CHRM3: variants seen among roughly 807,000 people sequenced by gnomAD.
CHRM3 encodes cholinergic receptor muscarinic 3.
In CHRM3, 11 loss-of-function variants were observed where a neutral mutation model predicts 41.8. The observed-to-expected ratio is 0.26, with a 90% confidence interval of 0.17 to 0.44. The LOEUF (loss-of-function observed/expected upper bound fraction) is 0.44, where lower values mean the gene tolerates loss of function less well. Among genes scored for constraint, CHRM3 ranks in the 20% least tolerant of loss-of-function variants. The probability of loss-of-function intolerance (pLI) is 1.00; values close to 1 mark genes in which losing one functional copy is unlikely to be tolerated. For synonymous variants in CHRM3, 297 were observed against 301.4 expected, an observed-to-expected ratio of 0.99 and a Z score of 0.15; for missense variants, 571 against 745.4, an observed-to-expected ratio of 0.77 and a Z score of 2.72.
At chr1:239,865,197 A>G (rs2149290813) in intron 6 of CHRM3, among the ~76,000 whole-genome samples, 1 of 152,286 alleles carries the variant, frequency 6.6e-6, no homozygotes, top group South Asian at 2.1e-4. Flanking sequence ...ATATATTGTT[A>G]TGGGAGAAAA....
intron 6 of CHRM3, among the ~76,000 whole-genome samples, chr1:239,855,754 A>G (rs1675061986): frequency 6.6e-6 from 1 of 152,210 alleles, no homozygotes; most frequent in Admixed American, 6.5e-5. Context: ...GAAGAATGTT[A>G]CAATCAACAT....
At position 239,812,245 on chromosome 1, in the gene CHRM3, G is replaced by T. The variant is rs1386421854; in HGVS notation, c.-146-15007G>T. ...TGTAGAGATGGGGTTTTGCCATGTT[G>T]CCCAGGCTTGTCTCATACTCCCCAG... On this transcript the variant is annotated intron_variant, in intron 5 of 6. Coordinates refer to ENST00000676153, the MANE Select transcript of CHRM3 (RefSeq NM_001375978.1). Among the ~76,000 whole-genome samples the T allele has an allele frequency of 3.9e-5, 6 of 152,168 alleles. No individual in the cohort carries two copies. The East Asian group carries it at 1.2e-3, about 29-fold the overall frequency.
rs1572660564 is a variant in CHRM3 at position 239,908,480 on chromosome 1, T to A, written c.1029T>A (p.Ala343=). ...SSDSWNNNDA[A]ASLENSASSD... ...ACAGTTGGAACAACAATGATGCTGCTGCCTCCCTGGAGAACTCCGCCTCCT... is the reference window on the plus strand; with the variant it reads ...ACAGTTGGAACAACAATGATGCTGCAGCCTCCCTGGAGAACTCCGCCTCCT... Residue 343 remains alanine, a synonymous_variant, in exon 7 of 7, where the codon GCT becomes GCA. Coordinates refer to ENST00000676153, the MANE Select transcript of CHRM3 (RefSeq NM_001375978.1). The surrounding 1 kb of genome is among the most constrained non-coding windows in gnomAD (Gnocchi z 7.2). The A allele has an allele frequency of 4.3e-6, 7 of 1,610,738 alleles. No individual in the cohort carries two copies. The East Asian group carries it at 1.3e-4, about 31-fold the overall frequency.
intron 1 of CHRM3, among the ~76,000 whole-genome samples, chr1:239,481,858 A>G (rs1666876337): frequency 6.6e-6 from 1 of 152,212 alleles, no homozygotes; most frequent in South Asian, 2.1e-4. Context: ...TTTGGGGGAA[A>G]TAATGAACTG....
At chr1:239,725,520 T>C (rs1663356872) in intron 5 of CHRM3, among the ~76,000 whole-genome samples, 1 of 151,968 alleles carries the variant, frequency 6.6e-6, no homozygotes, top group Non-Finnish European at 1.5e-5. Context: ...ACTGAATAAA[T>C]AAAGATAACA....
chr1:239,668,639 C>A (rs1271715254), intron 4 of CHRM3, among the ~76,000 whole-genome samples: 1 of 152,156 alleles, frequency 6.6e-6, no homozygotes, highest in Non-Finnish European at 1.5e-5. Context: ...TGTATTGCCT[C>A]TGTACAGCTT....
intron 1 of CHRM3, among the ~76,000 whole-genome samples, chr1:239,480,277 A>G (rs1279715049): frequency 6.6e-6 from 1 of 152,208 alleles, no homozygotes; most frequent in South Asian, 2.1e-4. Context: ...AAAATGACCA[A>G]CAATAAGGGT....
intron 3 of CHRM3, among the ~76,000 whole-genome samples, chr1:239,610,210 A>AAAAAAAAAC (rs1666862425): frequency 6.7e-6 from 1 of 149,164 alleles, no homozygotes; most frequent in Non-Finnish European, 1.5e-5. Flanking sequence ...AAAAAAAAAA[A>AAAAAAAAAC]AGGACTATAA....
At chr1:239,841,981 A>G (rs1673835966) in intron 6 of CHRM3, among the ~76,000 whole-genome samples, 1 of 152,178 alleles carries the variant, frequency 6.6e-6, no homozygotes, top group African/African-American at 2.4e-5. Flanking sequence ...GGGGACGCCT[A>G]TATCAAAATC....
intron 5 of CHRM3, among the ~76,000 whole-genome samples, chr1:239,699,960 C>CT (rs1363148324): frequency 6.6e-6 from 1 of 152,068 alleles, no homozygotes; most frequent in African/African-American, 2.4e-5. Context: ...GTTGTCTTTA[C>CT]TTTTTTTCTA....
chr1:239,824,760 T>C (rs1558155824), intron 5 of CHRM3, among the ~76,000 whole-genome samples: 1 of 152,192 alleles, frequency 6.6e-6, no homozygotes, highest in Non-Finnish European at 1.5e-5. Context: ...TATAGTAACA[T>C]GGGACAAACC....
intron 4 of CHRM3, among the ~76,000 whole-genome samples, chr1:239,635,684 G>A (rs373398472): frequency 2.7e-3 from 407 of 152,298 alleles, no homozygotes; most frequent in Non-Finnish European, 2.9e-3. Flanking sequence ...GGTAAGACAT[G>A]ACGAATTCTG....
At chr1:239,651,985 G>GTTTTTTT (rs56096731) in intron 4 of CHRM3, among the ~76,000 whole-genome samples, 3 of 140,234 alleles carry the variant, frequency 2.1e-5, no homozygotes, top group Non-Finnish European at 1.6e-5. Context: ...GCCAGTTTTT[G>GTTTTTTT]TTTTTTTTTT....
intron 4 of CHRM3, among the ~76,000 whole-genome samples, chr1:239,637,151 A>G (rs1307090722): frequency 1.3e-5 from 2 of 152,182 alleles, no homozygotes; most frequent in African/African-American, 4.8e-5. Flanking sequence ...ATTATCAGGT[A>G]TACAGAAATG....
In CHRM3 at chr1:239,466,055, G is replaced by A. The variant is rs562652791; in HGVS notation, c.-520-26654G>A. On this transcript the variant is annotated intron_variant, in intron 1 of 6. Coordinates refer to ENST00000676153, the MANE Select transcript of CHRM3 (RefSeq NM_001375978.1). Reference sequence around the variant, plus strand: ...GTCACCCAGGCTGGAGAGCAATGGCGTGATCTCCGCTCACTGCAGCCTCCA... The same window carrying A: ...GTCACCCAGGCTGGAGAGCAATGGCATGATCTCCGCTCACTGCAGCCTCCA... Among the ~76,000 whole-genome samples the A allele has an allele frequency of 1.1e-4, 17 of 152,130 alleles. No homozygotes were observed. In the East Asian group the frequency reaches 1.2e-3, roughly 10 times the overall value.
chr1:239,465,664 T>C (rs1665671118), intron 1 of CHRM3, among the ~76,000 whole-genome samples: 1 of 152,192 alleles, frequency 6.6e-6, no homozygotes, highest in Non-Finnish European at 1.5e-5. Context: ...TTTCGTATCT[T>C]CGTGGTCACA....
intron 6 of CHRM3, among the ~76,000 whole-genome samples, chr1:239,828,666 A>C (rs1427205834): frequency 2.6e-5 from 4 of 152,150 alleles, no homozygotes; most frequent in Non-Finnish European, 5.9e-5. Context: ...CAGAACGGAC[A>C]GAGAACAGTG....
In CHRM3 at chr1:239,698,536, T is replaced by G. The variant is rs143167243; in HGVS notation, c.-147+20248T>G. Reference sequence around the variant, plus strand: ...AATTACATTTCTCATTTTCTGGAAGTAAAATACTTAACACCGTAAGACTAT... The same window carrying G: ...AATTACATTTCTCATTTTCTGGAAGGAAAATACTTAACACCGTAAGACTAT... On this transcript the variant is annotated intron_variant, in intron 5 of 6. Transcript: ENST00000676153. Among the ~76,000 whole-genome samples the G allele has an allele frequency of 3.7e-3, 568 of 152,310 alleles. 5 individuals are homozygous for G. Among genetic ancestry groups the G allele is most frequent in the African/African-American group, 0.013 (554 of 41,580 alleles).
chr1:239,529,202 A>T (rs1277709570), intron 2 of CHRM3, among the ~76,000 whole-genome samples: 2 of 152,206 alleles, frequency 1.3e-5, no homozygotes, highest in African/African-American at 4.8e-5. Flanking sequence ...ACACCATAGC[A>T]CGTCTTAAGT....
Sources: allele counts gnomAD v4.1 joint callset (sites outside exome capture counted in the v4.1 genomes callset), GRCh38; gene constraint gnomAD v4.1.1; non-coding constraint Gnocchi (gnomAD v3.1); transcripts MANE v1.5; gene names NCBI Gene and HGNC (gene_info 2026-07-23, HGNC 2026-07-21).